The following KLRG1 variants were observed in gnomAD, a reference collection of about 807,000 sequenced individuals.
The protein encoded by KLRG1 is killer cell lectin-like receptor subfamily G member 1.
KLRG1 carries 16 observed loss-of-function variants against 21.8 expected under a neutral mutation model. That is an observed-to-expected ratio of 0.73 (90% CI 0.50 to 1.11). The LOEUF is 1.11. Ranked by LOEUF, KLRG1 falls within the 50% of genes most tolerant of loss-of-function variation. The probability of loss-of-function intolerance (pLI) is 0.00; values close to 1 mark genes in which losing one functional copy is unlikely to be tolerated. For missense variants in KLRG1, 173 were observed against 218.3 expected (o/e 0.79, Z 1.31); for synonymous variants, 69 against 75.9 (o/e 0.91, Z 0.47).
the KLRG1 span, chr12:9,200,973 G>T: frequency 6.2e-7 from 1 of 1,614,084 alleles, no homozygotes; most frequent in Non-Finnish European, 8.5e-7. Flanking sequence ...CCCTGAATGG[G>T]CTCTGATGAG....
the KLRG1 span, among the ~76,000 whole-genome samples, chr12:9,171,833 G>A: frequency 1.3e-5 from 2 of 152,168 alleles, no homozygotes; most frequent in Admixed American, 6.5e-5. Flanking sequence ...TGAGAAATAT[G>A]GGATTATGTA....
chr12:8,981,875 T>A (rs1946760214), intron 1 of KLRG1, among the ~76,000 whole-genome samples: 1 of 152,242 alleles, frequency 6.6e-6, no homozygotes, highest in African/African-American at 2.4e-5. Flanking sequence ...TTTCTTTAAC[T>A]CAGCTTTTGC....
the KLRG1 span, chr12:9,201,158 G>T: frequency 6.8e-7 from 1 of 1,469,408 alleles, no homozygotes; most frequent in Non-Finnish European, 9.3e-7. Flanking sequence ...ATTGCCTCTG[G>T]AAAGACAAAT....
the KLRG1 span, among the ~76,000 whole-genome samples, chr12:9,056,113 G>T: frequency 6.6e-6 from 1 of 152,146 alleles, no homozygotes; most frequent in Non-Finnish European, 1.5e-5. Flanking sequence ...CGGCTGCAGG[G>T]GACACTGTAT....
At chr12:9,025,586 G>A in the KLRG1 span, among the ~76,000 whole-genome samples, 1 of 152,172 alleles carries the variant, frequency 6.6e-6, no homozygotes, top group Admixed American at 6.5e-5. Context: ...GCAGTGAGCC[G>A]AGATCGTGCG....
chr12:8,954,521 A>C (rs746809215), intron 1 of KLRG1, among the ~76,000 whole-genome samples: 1 of 152,040 alleles, frequency 6.6e-6, no homozygotes, highest in East Asian at 1.9e-4. Flanking sequence ...AATATCTTGT[A>C]TGCCTCAAAT....
the KLRG1 span, among the ~76,000 whole-genome samples, chr12:9,186,211 A>T: frequency 6.6e-6 from 1 of 152,204 alleles, no homozygotes. Flanking sequence ...GGAAATGCTG[A>T]GGGAATTTGT....
At chr12:8,993,708 C>T (rs1028353560) in intron 2 of KLRG1, among the ~76,000 whole-genome samples, 4 of 152,180 alleles carry the variant, frequency 2.6e-5, no homozygotes, top group Non-Finnish European at 4.4e-5. Context: ...AGTAATGTCA[C>T]AGTTGTATGG....
chr12:9,109,119 G>A, the KLRG1 span, among the ~76,000 whole-genome samples: 2 of 152,030 alleles, frequency 1.3e-5, no homozygotes, highest in Admixed American at 6.6e-5. Context: ...CTTACCTCAT[G>A]ATAGAATAAT....
chr12:8,975,490 G>A (rs1946642824), intron 1 of KLRG1, among the ~76,000 whole-genome samples: 1 of 152,014 alleles, frequency 6.6e-6, no homozygotes, highest in Admixed American at 6.6e-5. Context: ...TTCTATTTCT[G>A]AAGCATTCAT....
At chr12:9,086,390 C>A in the KLRG1 span, among the ~76,000 whole-genome samples, 1 of 152,130 alleles carries the variant, frequency 6.6e-6, no homozygotes, top group African/African-American at 2.4e-5. Flanking sequence ...CAACCAACCA[C>A]ACGAAATAAA....
At chr12:9,186,288 C>T in the KLRG1 span, among the ~76,000 whole-genome samples, 7 of 152,002 alleles carry the variant, frequency 4.6e-5, no homozygotes, top group Admixed American at 2.0e-4. Flanking sequence ...AAGAATATTA[C>T]GAGCCACTAC....
chr12:9,055,166 T>C, the KLRG1 span, among the ~76,000 whole-genome samples: 1 of 152,234 alleles, frequency 6.6e-6, no homozygotes, highest in African/African-American at 2.4e-5. Context: ...GAAATTGTCG[T>C]AATATTATGA....
chr12:9,200,397 A>G, the KLRG1 span: 10 of 1,611,090 alleles, frequency 6.2e-6, no homozygotes, highest in East Asian at 2.0e-4. Flanking sequence ...TTTTTCATCC[A>G]TGATACTGAT....
chr12:8,980,093 G>T (rs921951642), intron 1 of KLRG1, among the ~76,000 whole-genome samples: 1 of 151,952 alleles, frequency 6.6e-6, no homozygotes, highest in East Asian at 1.9e-4. Context: ...TAGAGACAGG[G>T]TTTCACCATG....
At chr12:9,192,590 G>T in the KLRG1 span, 1 of 1,614,190 alleles carries the variant, frequency 6.2e-7, no homozygotes, top group South Asian at 1.1e-5. Flanking sequence ...TAGTCTCCGT[G>T]TGGCCACAGG....
chr12:9,025,119 TGTG>T, the KLRG1 span, among the ~76,000 whole-genome samples: 2 of 152,142 alleles, frequency 1.3e-5, no homozygotes. Context: ...TCTTCACTGG[TGTG>T]GTGGTGACAG....
At chr12:9,092,410 G>C in the KLRG1 span, among the ~76,000 whole-genome samples, 1 of 147,690 alleles carries the variant, frequency 6.8e-6, no homozygotes, top group Non-Finnish European at 1.5e-5. Context: ...GTGGCTACCC[G>C]CCCCCACCAC....
the KLRG1 span, among the ~76,000 whole-genome samples, chr12:9,049,161 A>G: frequency 1.2e-4 from 19 of 152,172 alleles, no homozygotes; most frequent in African/African-American, 4.6e-4. Flanking sequence ...CTCTCTGAGT[A>G]AGTATCAGGG....
Sources: allele counts gnomAD v4.1 joint callset (sites outside exome capture counted in the v4.1 genomes callset), GRCh38; gene constraint gnomAD v4.1.1; transcripts MANE v1.5; gene names NCBI Gene and HGNC (gene_info 2026-07-23, HGNC 2026-07-21).